Variants in ZNF532 observed in about 807,000 individuals in gnomAD.
ZNF532 encodes the protein zinc finger protein 532.
A neutral mutation model predicts 89.3 loss-of-function variants in ZNF532; 22 were observed. The observed-to-expected ratio is 0.25, with a 90% CI of 0.18 to 0.35. The LOEUF (loss-of-function observed/expected upper bound fraction) is 0.35. Among genes scored for constraint, ZNF532 ranks in the 10% least tolerant of loss-of-function variants. ZNF532 has a pLI of 1.00. For synonymous variants in ZNF532, 606 were observed against 649.6 expected (o/e 0.93, Z 1.02); for missense variants, 1,132 against 1,643.4 (o/e 0.69, Z 5.38).
intron 9 of ZNF532, 108 bp downstream of exon 9, chr18:58,981,725 C>A: frequency 1.4e-6 from 2 of 1,458,224 alleles, no homozygotes; most frequent in Non-Finnish European, 1.9e-6. Flanking sequence ...TTTAAAAATT[C>A]AGACTGGCTG....
At chr18:58,955,018 T>G (rs2147075164) in intron 7 of ZNF532, among the ~76,000 whole-genome samples, 1 of 152,330 alleles carries the variant, frequency 6.6e-6, no homozygotes, top group East Asian at 1.9e-4. Context: ...CCAGCTGGAA[T>G]TTGATACTTT....
intron 6 of ZNF532, among the ~76,000 whole-genome samples, chr18:58,950,938 G>A (rs2064098266): frequency 6.6e-6 from 1 of 151,496 alleles, no homozygotes; most frequent in African/African-American, 2.4e-5. Context: ...ATTCCCAGCT[G>A]ACATTTGCTT....
At chr18:58,863,560 A>G (rs2056155785), upstream of ZNF532, 1 of 3,388 alleles carries the variant, frequency 3.0e-4, no homozygotes. Context: ...CCGCACACGC[A>G]CACACAGACC....
rs2067392225 is a variant in ZNF532, at chr18:58,979,048, C to T, written c.3151-7C>T. ...TCCCTTAAGTGAACTTTCTCTCCTTCCTCCAGCAAATGAAGAAACACCCCT... is the reference window on the plus strand; with the variant it reads ...TCCCTTAAGTGAACTTTCTCTCCTTTCTCCAGCAAATGAAGAAACACCCCT... On this transcript the variant is annotated splice_polypyrimidine_tract_variant and splice_region_variant and intron_variant, in intron 7 of 9. Coordinates refer to ENST00000591808, the MANE Select transcript of ZNF532 (RefSeq NM_001375912.1). The T allele has an allele frequency of 1.9e-6, 3 of 1,604,428 alleles. No individual in the cohort carries two copies. The highest frequency in any genetic ancestry group is 2.6e-6 in the Non-Finnish European group (3 of 1,172,470).
At chr18:58,923,157 C>T (rs577495635) in intron 3 of ZNF532, among the ~76,000 whole-genome samples, 6 of 152,006 alleles carry the variant, frequency 3.9e-5, no homozygotes, top group African/African-American at 7.3e-5. Context: ...GATCTGTTTC[C>T]GTTTTGCAGC....
At chr18:58,918,246 G>A (rs1278517323) in intron 2 of ZNF532, 25 bp from the exon 3 acceptor site, 2 of 1,581,656 alleles carry the variant, frequency 1.3e-6, no homozygotes, top group East Asian at 4.5e-5. Context: ...ATTACTGATG[G>A]AACTATTTTC....
At chr18:58,909,202 C>T (rs1377706042) in intron 2 of ZNF532, among the ~76,000 whole-genome samples, 1 of 152,204 alleles carries the variant, frequency 6.6e-6, no homozygotes, top group Non-Finnish European at 1.5e-5. Context: ...ATCCGCCCAC[C>T]TCAGCCTCCC....
chr18:58,884,013 T>C (rs2058106402), intron 2 of ZNF532, among the ~76,000 whole-genome samples: 1 of 147,794 alleles, frequency 6.8e-6, no homozygotes, highest in Non-Finnish European at 1.5e-5. Flanking sequence ...TAGTTTTCTC[T>C]TCCATGTTTT....
intron 2 of ZNF532, among the ~76,000 whole-genome samples, chr18:58,877,319 T>C (rs941378759): frequency 7.2e-5 from 11 of 152,170 alleles, no homozygotes; most frequent in African/African-American, 2.2e-4. Context: ...TGGGTGAAGC[T>C]GTCCTGGGGA....
intron 3 of ZNF532, 31 bp downstream of exon 3, chr18:58,920,664 G>C: frequency 6.5e-7 from 1 of 1,540,280 alleles, no homozygotes. Context: ...TTGTGTTTCA[G>C]TGATGAGTCT....
chr18:58,948,279 T>C (rs765690239), intron 6 of ZNF532, 50 bp downstream of exon 6: 7 of 1,539,986 alleles, frequency 4.5e-6, no homozygotes, highest in Non-Finnish European at 6.2e-6. Context: ...ATCCATTCAT[T>C]GGTCATAAAT....
At chr18:58,865,706 G>C (rs1469769998) in intron 2 of ZNF532, 127 bp downstream of exon 2, 1 of 152,292 alleles carries the variant, frequency 6.6e-6, no homozygotes, top group Non-Finnish European at 1.5e-5. Context: ...TGCTCTTAAT[G>C]TTATCCCAGT....
intron 3 of ZNF532, among the ~76,000 whole-genome samples, chr18:58,922,558 G>A (rs1195051578): frequency 6.6e-6 from 1 of 152,176 alleles, no homozygotes; most frequent in Non-Finnish European, 1.5e-5. Context: ...AACCTAGCCC[G>A]GTGACAATGC....
intron 2 of ZNF532, among the ~76,000 whole-genome samples, chr18:58,891,885 G>A (rs1184490568): frequency 6.6e-6 from 1 of 152,170 alleles, no homozygotes; most frequent in Non-Finnish European, 1.5e-5. Flanking sequence ...TGAGTTGGGG[G>A]AAGTAGTTTA....
chr18:58,970,358 TTC>T (rs1242270064), intron 7 of ZNF532, among the ~76,000 whole-genome samples: 1 of 152,206 alleles, frequency 6.6e-6, no homozygotes, highest in African/African-American at 2.4e-5. Flanking sequence ...GAAGACTGGA[TTC>T]TCTGAGAACA....
chr18:58,870,148 C>T (rs1185989608), intron 2 of ZNF532, among the ~76,000 whole-genome samples: 2 of 143,422 alleles, frequency 1.4e-5, no homozygotes, highest in East Asian at 4.1e-4. Flanking sequence ...AATGGTGGTA[C>T]AGATGGAGGG....
chr18:58,880,751 GGCGCGC>G (rs1166775525), intron 2 of ZNF532, among the ~76,000 whole-genome samples: 8 of 80,224 alleles, frequency 1.0e-4, no homozygotes, highest in Non-Finnish European at 1.4e-4. Context: ...CCCTCTCATA[GGCGCGC>G]GCGCACGCGC....
At chr18:58,946,844 T>C (rs1166500104) in intron 5 of ZNF532, among the ~76,000 whole-genome samples, 1 of 152,102 alleles carries the variant, frequency 6.6e-6, no homozygotes, top group African/African-American at 2.4e-5. Flanking sequence ...GTTAAACTTA[T>C]AAATCTTACG....
chr18:58,973,183 A>C (rs775811795), intron 7 of ZNF532, among the ~76,000 whole-genome samples: 1 of 152,212 alleles, frequency 6.6e-6, no homozygotes, highest in Non-Finnish European at 1.5e-5. Flanking sequence ...GCTCACTGCA[A>C]CTGCTGCTTA....
Sources: gnomAD v4.1 joint callset for allele counts (sites outside exome capture counted in the v4.1 genomes callset) on GRCh38, gnomAD v4.1.1 for gene constraint, MANE v1.5 for transcripts, NCBI Gene and HGNC (gene_info 2026-07-23, HGNC 2026-07-21) for gene names.